AKAP7: variants seen among roughly 807,000 people sequenced by gnomAD.
AKAP7 encodes A-kinase anchoring protein 7.
Under a neutral mutation model 39.5 loss-of-function variants are expected in AKAP7, and 39 were observed. The ratio of observed to expected loss-of-function variants is 0.99; its 90% CI spans 0.76 to 1.29. The LOEUF (loss-of-function observed/expected upper bound fraction) is 1.29, where lower values mean the gene tolerates loss of function less well. Ranked by LOEUF, AKAP7 falls within the 50% of genes most tolerant of loss-of-function variation. The pLI, the probability that AKAP7 is intolerant of heterozygous loss-of-function variation, is 0.00. For missense variants in AKAP7, 414 were observed against 407.7 expected, an observed-to-expected ratio of 1.02 and a Z score of -0.13; for synonymous variants, 140 against 139.1, an observed-to-expected ratio of 1.01 and a Z score of -0.05.
At chr6:131,228,200 G>A (rs182719998) in intron 7 of AKAP7, among the ~76,000 whole-genome samples, 84 of 152,196 alleles carry the variant, frequency 5.5e-4, no homozygotes, top group Non-Finnish European at 1.1e-3. Flanking sequence ...GGCGTAGGAG[G>A]AGAAGGAAAT....
At chr6:131,134,488 A>G (rs188270079), upstream of AKAP7, among the ~76,000 whole-genome samples, 44 of 152,218 alleles carry the variant, frequency 2.9e-4, no homozygotes, top group Middle Eastern at 0.014. Context: ...TGCAGCTTTT[A>G]TTTCCGCAGT....
intron 7 of AKAP7, among the ~76,000 whole-genome samples, chr6:131,250,819 T>C (rs1170704621): frequency 3.3e-5 from 5 of 152,192 alleles, no homozygotes; most frequent in Admixed American, 3.3e-4. Context: ...AGATGGGCTG[T>C]GTTAAAAATA....
intron 7 of AKAP7, among the ~76,000 whole-genome samples, chr6:131,226,900 G>A (rs1810212901): frequency 6.6e-6 from 1 of 152,164 alleles, no homozygotes; most frequent in East Asian, 1.9e-4. Context: ...TACTGAACAT[G>A]TACGATGTGC....
intron 2 of AKAP7, among the ~76,000 whole-genome samples, chr6:131,147,060 A>C (rs1801542127): frequency 6.6e-6 from 1 of 152,188 alleles, no homozygotes; most frequent in Non-Finnish European, 1.5e-5. Flanking sequence ...GAGGGTGTCC[A>C]TGAAGCCTTT....
At chr6:131,152,543 T>C (rs1373675137) in intron 2 of AKAP7, among the ~76,000 whole-genome samples, 1 of 152,096 alleles carries the variant, frequency 6.6e-6, no homozygotes, top group Non-Finnish European at 1.5e-5. Flanking sequence ...GAAGAAATAT[T>C]GGGGCCGGGC....
chr6:131,241,994 T>TTAAAC, intron 7 of AKAP7: 1 of 914,104 alleles, frequency 1.1e-6, no homozygotes, highest in Non-Finnish European at 1.3e-6. Flanking sequence ...GTATATTTTA[T>TTAAAC]TTCCCTTTAT....
At chr6:131,235,511 T>C (rs1421086011) in intron 7 of AKAP7, among the ~76,000 whole-genome samples, 22 of 152,214 alleles carry the variant, frequency 1.4e-4, no homozygotes, top group Non-Finnish European at 2.9e-5. Flanking sequence ...TTGAACTAGT[T>C]TACAGTCCCA....
chr6:131,185,860 C>T (rs1805794816), intron 5 of AKAP7, among the ~76,000 whole-genome samples: 1 of 152,120 alleles, frequency 6.6e-6, no homozygotes, highest in Non-Finnish European at 1.5e-5. Flanking sequence ...GTTGCCTGTG[C>T]TTTGGTGTCA....
upstream of AKAP7, among the ~76,000 whole-genome samples, chr6:131,133,244 A>G (rs532331770): frequency 5.9e-5 from 9 of 152,126 alleles, no homozygotes; most frequent in Non-Finnish European, 1.2e-4. Flanking sequence ...TTTCTTCCTC[A>G]TTTTTTGAGT....
In AKAP7 at chr6:131,164,480, T is replaced by G. The variant is rs74488616; in HGVS notation, c.292-601T>G. On this transcript the variant is annotated intron_variant, in intron 3 of 7. Coordinates refer to ENST00000431975, the MANE Select transcript of AKAP7 (RefSeq NM_016377.4). ...CTGGATGCAGATTCTGTTTTTCTAA[T>G]GTGTGCATTTGGACTTCTTTGCAAC... The G allele has an allele frequency of 1.1e-3, 509 of 455,522 alleles. 14 individuals carry two copies. The East Asian group carries it at 0.021, about 19-fold the overall frequency. 28.2% of individuals were successfully genotyped at this position (455,522 alleles called of 1,614,324 possible). A position where few individuals can be genotyped will look rare whatever the true frequency, so the allele number is the denominator to read the frequency against.
chr6:131,236,368 G>A (rs546579104), intron 7 of AKAP7, among the ~76,000 whole-genome samples: 1 of 152,306 alleles, frequency 6.6e-6, no homozygotes, highest in South Asian at 2.1e-4. Flanking sequence ...TTTTGGCTTA[G>A]GATTGCCTTG....
chr6:131,246,037 G>A, intron 7 of AKAP7, among the ~76,000 whole-genome samples: 1 of 151,372 alleles, frequency 6.6e-6, no homozygotes. Flanking sequence ...GAATCTTACA[G>A]CAAGGTTTGC....
intron 5 of AKAP7, among the ~76,000 whole-genome samples, chr6:131,189,670 A>G (rs1806217611): frequency 6.6e-6 from 1 of 152,222 alleles, no homozygotes; most frequent in Non-Finnish European, 1.5e-5. Flanking sequence ...TGTAAAGCCT[A>G]AAAAACAGAT....
chr6:131,183,919 G>A (rs972948451), intron 5 of AKAP7, among the ~76,000 whole-genome samples: 4 of 152,176 alleles, frequency 2.6e-5, no homozygotes, highest in Admixed American at 1.3e-4. Context: ...GGCCTGGCTC[G>A]CCTCTGGGGG....
chr6:131,228,535 T>G (rs939692137), intron 7 of AKAP7, among the ~76,000 whole-genome samples: 4 of 152,212 alleles, frequency 2.6e-5, no homozygotes, highest in African/African-American at 4.8e-5. Flanking sequence ...TTTTTATTTT[T>G]TGTAGAGACG....
intron 5 of AKAP7, among the ~76,000 whole-genome samples, chr6:131,190,081 C>A (rs1471326039): frequency 6.6e-6 from 1 of 152,070 alleles, no homozygotes; most frequent in Non-Finnish European, 1.5e-5. Flanking sequence ...GAACCATTAC[C>A]TAATACCCTA....
intron 7 of AKAP7, among the ~76,000 whole-genome samples, chr6:131,235,240 T>C (rs35764673): frequency 0.14 from 21,071 of 152,208 alleles, 1,845 homozygotes; most frequent in Middle Eastern, 0.28. Flanking sequence ...CATGAACTTA[T>C]CATTTTTTAT....
chr6:131,237,969 G>A lies in AKAP7; in HGVS notation c.850+18161G>A, dbSNP rs575495495. Among the ~76,000 whole-genome samples the A allele has an allele frequency of 6.6e-5, 10 of 152,066 alleles. No homozygotes were observed. The East Asian group carries it at 1.5e-3, about 24-fold the overall frequency. On this transcript the variant is annotated intron_variant, in intron 7 of 7. Coordinates refer to ENST00000431975, the MANE Select transcript of AKAP7 (RefSeq NM_016377.4). ...CTAGCTTTTGAATGTGTTTGCTCTCGATTCTCTAGTTCTTTTAATTGTGAT... is the reference window on the plus strand; with the variant it reads ...CTAGCTTTTGAATGTGTTTGCTCTCAATTCTCTAGTTCTTTTAATTGTGAT...
At chr6:131,250,596 C>G (rs752448738) in intron 7 of AKAP7, 1 of 1,614,016 alleles carries the variant, frequency 6.2e-7, no homozygotes, top group Non-Finnish European at 8.5e-7. Flanking sequence ...TTTCCTTTCT[C>G]AAGAGATGAA....
Sources: gnomAD v4.1 joint callset for allele counts (sites outside exome capture counted in the v4.1 genomes callset) on GRCh38, gnomAD v4.1.1 for gene constraint, MANE v1.5 for transcripts, NCBI Gene and HGNC (gene_info 2026-07-23, HGNC 2026-07-21) for gene names.